The following SLCO4C1 variants were observed in gnomAD, a reference collection of about 807,000 sequenced individuals.
SLCO4C1 encodes the protein solute carrier organic anion transporter family member 4C1.
Under a neutral mutation model 72.1 loss-of-function variants are expected in SLCO4C1, and 58 were observed. The ratio of observed to expected loss-of-function variants is 0.80; its 90% CI spans 0.65 to 1.00. SLCO4C1 has a LOEUF of 1.00. SLCO4C1 is among the 50% of genes least tolerant of loss of function. The pLI, the probability that SLCO4C1 is intolerant of heterozygous loss-of-function variation, is 0.00. For synonymous variants in SLCO4C1, 297 were observed against 312.5 expected (o/e 0.95, Z 0.52); for missense variants, 898 against 857.9 (o/e 1.05, Z -0.58).
chr5:102,254,640 C>T (rs969636298), intron 8 of SLCO4C1, among the ~76,000 whole-genome samples: 38 of 152,120 alleles, frequency 2.5e-4, no homozygotes, highest in Non-Finnish European at 3.8e-4. Context: ...GACTCTCTAC[C>T]AGCAAAAAAA....
At chr5:102,259,822 T>G (rs1748902234) in intron 6 of SLCO4C1, among the ~76,000 whole-genome samples, 1 of 152,174 alleles carries the variant, frequency 6.6e-6, no homozygotes, top group Non-Finnish European at 1.5e-5. Context: ...GGGCTATTAG[T>G]GTTAACAAGG....
At chr5:102,262,095 G>C in intron 4 of SLCO4C1, 62 bp from the exon 5 acceptor site, 1 of 1,446,464 alleles carries the variant, frequency 6.9e-7, no homozygotes. Flanking sequence ...AACTCAGTTA[G>C]GATAATCATA....
At chr5:102,286,712 AT>A (rs1749458851) in intron 2 of SLCO4C1, among the ~76,000 whole-genome samples, 1 of 152,214 alleles carries the variant, frequency 6.6e-6, no homozygotes, top group Non-Finnish European at 1.5e-5. Context: ...TTCAAAGTTA[AT>A]CACCTCTAAT....
intron 8 of SLCO4C1, among the ~76,000 whole-genome samples, chr5:102,256,487 T>C (rs1331350448): frequency 2.0e-5 from 3 of 152,228 alleles, no homozygotes; most frequent in Admixed American, 2.0e-4. Flanking sequence ...TAAAATGCAC[T>C]GCTGTGCAAC....
At chr5:102,267,334 C>A (rs886482653) in intron 3 of SLCO4C1, among the ~76,000 whole-genome samples, 13 of 152,236 alleles carry the variant, frequency 8.5e-5, no homozygotes, top group African/African-American at 2.4e-4. Context: ...TTTTCTATTT[C>A]TTCCTGGATC....
In SLCO4C1 at chr5:102,296,182, G is replaced by C; in HGVS notation, c.81C>G (p.Pro27=). ...PDILRRLSAS[P]SQIEVSALSS... is the part of the protein sequence containing the mutation. ...ACAAGGCAGAGACTTCGATTTGGGA[G>C]GGCGACGCAGACAAGCGGCGCAGGA... Residue 27 remains proline (P), a synonymous_variant, in exon 1 of 13, where the codon CCC becomes CCG. Coordinates refer to ENST00000310954, the MANE Select transcript of SLCO4C1 (RefSeq NM_180991.5). The C allele has an allele frequency of 6.2e-7, 1 of 1,607,986 alleles. No homozygotes were observed. Among genetic ancestry groups the C allele is most frequent in the South Asian group, 1.1e-5 (1 of 90,694 alleles).
chr5:102,249,349 T>C (rs1313642627), intron 9 of SLCO4C1, among the ~76,000 whole-genome samples: 2 of 152,180 alleles, frequency 1.3e-5, no homozygotes, highest in Non-Finnish European at 2.9e-5. Flanking sequence ...CCATCCCCCA[T>C]GTATTGTGAG....
chr5:102,291,983 G>A (rs1039028540), intron 1 of SLCO4C1, among the ~76,000 whole-genome samples: 2 of 151,990 alleles, frequency 1.3e-5, no homozygotes, highest in African/African-American at 4.8e-5. Flanking sequence ...CACCACACCT[G>A]GCTAATTTTT....
intron 2 of SLCO4C1, among the ~76,000 whole-genome samples, chr5:102,280,520 A>C (rs1749335533): frequency 6.6e-6 from 1 of 152,230 alleles, no homozygotes; most frequent in South Asian, 2.1e-4. Flanking sequence ...CCAACATAGT[A>C]ACTATATCAG....
intron 10 of SLCO4C1, among the ~76,000 whole-genome samples, chr5:102,244,192 C>CA (rs562165468): frequency 6.6e-6 from 1 of 151,454 alleles, no homozygotes; most frequent in Non-Finnish European, 1.5e-5. Flanking sequence ...CATCTCAAAA[C>CA]AAAAAAAGAA....
chr5:102,278,163 G>A (rs2112386275), intron 2 of SLCO4C1, among the ~76,000 whole-genome samples: 1 of 152,038 alleles, frequency 6.6e-6, no homozygotes, highest in Admixed American at 6.6e-5. Context: ...AAGATTGGGG[G>A]AAAAAACATA....
chr5:102,295,384 A>G (rs1272555599), intron 1 of SLCO4C1, among the ~76,000 whole-genome samples: 1 of 152,164 alleles, frequency 6.6e-6, no homozygotes, highest in Non-Finnish European at 1.5e-5. Context: ...CTCAAACTAA[A>G]TACACTCACA....
At chr5:102,258,215 A>T (rs1183620907) in intron 6 of SLCO4C1, 128 bp from the exon 7 acceptor site, 1 of 642,624 alleles carries the variant, frequency 1.6e-6, no homozygotes, top group Non-Finnish European at 2.5e-6. Context: ...ATTTCCTCCA[A>T]AACAAAAATA....
At chr5:102,256,609 G>A (rs1374071723) in intron 8 of SLCO4C1, among the ~76,000 whole-genome samples, 1 of 152,160 alleles carries the variant, frequency 6.6e-6, no homozygotes, top group Non-Finnish European at 1.5e-5. Context: ...ATGTCTACAG[G>A]TGAGAACAAG....
chr5:102,281,108 C>T (rs534297957), intron 2 of SLCO4C1, among the ~76,000 whole-genome samples: 3 of 152,204 alleles, frequency 2.0e-5, no homozygotes, highest in South Asian at 2.1e-4. Flanking sequence ...TGAAGTGATA[C>T]ATATATCAAT....
rs962710864 is a variant in SLCO4C1 at position 102,236,751 on chromosome 5, G to A, written c.*107C>T. The A allele has an allele frequency of 3.4e-5, 40 of 1,182,008 alleles. 2 individuals are homozygous for A. The South Asian group carries it at 4.6e-4, about 14-fold the overall frequency. The allele number at this position is 1,182,008 out of a possible 1,614,324, so 73.2% of individuals were successfully genotyped here. A position where few individuals can be genotyped will look rare whatever the true frequency, so the allele number is the denominator to read the frequency against. ...ATTTGATTATAAAAACATCAATTTTGTAAATATGATTGTCCATATTGGATA... is the reference window on the plus strand; with the variant it reads ...ATTTGATTATAAAAACATCAATTTTATAAATATGATTGTCCATATTGGATA... On this transcript the variant is annotated 3_prime_UTR_variant, in exon 13 of 13. Transcript: ENST00000310954.
At chr5:102,293,966 T>A (rs1398931986) in intron 1 of SLCO4C1, among the ~76,000 whole-genome samples, 4 of 152,198 alleles carry the variant, frequency 2.6e-5, no homozygotes, top group Non-Finnish European at 5.9e-5. Context: ...CGGAGTGCAA[T>A]GACACGATCT....
At chr5:102,237,613 AAAAT>A (rs982760059) in intron 12 of SLCO4C1, among the ~76,000 whole-genome samples, 1 of 152,178 alleles carries the variant, frequency 6.6e-6, no homozygotes, top group Non-Finnish European at 1.5e-5. Context: ...CCCCGTCTCA[AAAAT>A]AAATAAATAA....
At chr5:102,294,513 A>AACATTG (rs1163737463) in intron 1 of SLCO4C1, among the ~76,000 whole-genome samples, 3 of 152,242 alleles carry the variant, frequency 2.0e-5, no homozygotes, top group Admixed American at 2.0e-4. Flanking sequence ...GGAATAATAT[A>AACATTG]GAAATTTCAG....
Sources: gnomAD v4.1 joint callset for allele counts (sites outside exome capture counted in the v4.1 genomes callset) on GRCh38, gnomAD v4.1.1 for gene constraint, MANE v1.5 for transcripts, NCBI Gene and HGNC (gene_info 2026-07-23, HGNC 2026-07-21) for gene names.